The following FRMD4A variants were observed in gnomAD, a reference collection of about 807,000 sequenced individuals.
The protein encoded by FRMD4A is FERM domain containing 4A, also known as FERM domain-containing protein 4A.
A neutral mutation model predicts 129.1 loss-of-function variants in FRMD4A; 29 were observed. The ratio of observed to expected loss-of-function variants is 0.22; its 90% CI spans 0.17 to 0.31. The LOEUF is 0.31. Among genes scored for constraint, FRMD4A ranks in the 10% least tolerant of loss-of-function variants. FRMD4A has a pLI of 1.00. For missense variants in FRMD4A, 1,272 were observed against 1,375.8 expected (o/e 0.92, Z 1.19); for synonymous variants, 634 against 571.6 (o/e 1.11, Z -1.56).
intron 2 of FRMD4A, among the ~76,000 whole-genome samples, chr10:14,199,611 A>G (rs1842573914): frequency 6.6e-6 from 1 of 152,088 alleles, no homozygotes; most frequent in African/African-American, 2.4e-5. Flanking sequence ...GCTGGTCTCA[A>G]ACTCCCGACC....
At position 13,750,219 on chromosome 10, in the gene FRMD4A, G is replaced by A. The variant is rs182937295; in HGVS notation, c.465-2400C>T. On this transcript the variant is annotated intron_variant, in intron 8 of 24. Transcript: ENST00000357447. Reference sequence around the variant, plus strand: ...AATCCTGACCATGACCAACTAGAGGGAAAAGCTCAAAGTGTAACTGTTTGA... The same window carrying A: ...AATCCTGACCATGACCAACTAGAGGAAAAAGCTCAAAGTGTAACTGTTTGA... 5.0e-3 allele frequency among the ~76,000 whole-genome samples: 764 copies of A among 152,262 alleles called. 3 individuals carry two copies. Among genetic ancestry groups the A allele is most frequent in the Middle Eastern group, 0.014 (4 of 294 alleles).
intron 24 of FRMD4A, 79 bp from the exon 25 acceptor site, chr10:13,647,114 G>T (rs1035368585): frequency 1.0e-5 from 2 of 198,396 alleles, no homozygotes; most frequent in Non-Finnish European, 1.8e-5. Context: ...CACTGAGAAG[G>T]ATATGTTCAC....
chr10:13,734,835 T>C (rs1004612407), intron 12 of FRMD4A, among the ~76,000 whole-genome samples: 1 of 142,522 alleles, frequency 7.0e-6, no homozygotes, highest in Non-Finnish European at 1.5e-5. Context: ...TTTCTTCTTC[T>C]TTTTCTATTT....
In FRMD4A at chr10:13,660,610, G is replaced by A. The variant is rs1022131233; in HGVS notation, c.1661-57C>T. The A allele has an allele frequency of 7.2e-5, 80 of 1,105,786 alleles. No homozygotes were observed. The African/African-American group carries it at 1.1e-3, about 15-fold the overall frequency. 68.5% of individuals were successfully genotyped at this position (1,105,786 alleles called of 1,614,324 possible). A position where few individuals can be genotyped will look rare whatever the true frequency, so the allele number is the denominator to read the frequency against. ...CCCGGTCATCCTTCCCACAGGCTGA[G>A]ACAGAACCCCTACACCCCTCCACCC... On this transcript the variant is annotated intron_variant, in intron 19 of 24. Coordinates refer to ENST00000357447, the MANE Select transcript of FRMD4A (RefSeq NM_018027.5).
intron 2 of FRMD4A, among the ~76,000 whole-genome samples, chr10:14,100,875 G>A (rs745527887): frequency 4.9e-4 from 75 of 152,146 alleles, no homozygotes; most frequent in Non-Finnish European, 8.2e-4. Context: ...TGAACTAGAA[G>A]TTTTGAGTGT....
intron 2 of FRMD4A, among the ~76,000 whole-genome samples, chr10:14,028,278 A>T (rs1339804867): frequency 2.6e-5 from 4 of 152,216 alleles, no homozygotes; most frequent in Non-Finnish European, 4.4e-5. Flanking sequence ...GCCTACAAAG[A>T]TGATTAAGAT....
intron 2 of FRMD4A, among the ~76,000 whole-genome samples, chr10:13,867,875 T>C (rs2094393920): frequency 7.1e-6 from 1 of 140,516 alleles, no homozygotes; most frequent in Non-Finnish European, 1.5e-5. Flanking sequence ...TAATATATAA[T>C]AAATAATATA....
intron 3 of FRMD4A, among the ~76,000 whole-genome samples, chr10:13,857,771 T>C (rs1490452518): frequency 3.9e-5 from 6 of 152,032 alleles, no homozygotes; most frequent in Admixed American, 2.0e-4. Context: ...GACTTGGAGA[T>C]AGACATCTAA....
chr10:14,167,731 A>G (rs1185420122), intron 2 of FRMD4A, among the ~76,000 whole-genome samples: 1 of 152,004 alleles, frequency 6.6e-6, no homozygotes, highest in Admixed American at 6.6e-5. Flanking sequence ...GATTTCCCAG[A>G]GGATGTGGCA....
At chr10:13,652,223 C>A in intron 23 of FRMD4A, 1 of 551,484 alleles carries the variant, frequency 1.8e-6, no homozygotes, top group Non-Finnish European at 3.2e-6. Flanking sequence ...CACATCATAG[C>A]AAACAGTTTA....
Position 13,881,615 on chromosome 10 carries a change from C to T in FRMD4A, c.46-22703G>A, listed in dbSNP as rs73580751. 2.1e-3 allele frequency among the ~76,000 whole-genome samples: 314 copies of T among 152,194 alleles called. 2 individuals are homozygous for T. The highest frequency in any genetic ancestry group is 7.3e-3 in the African/African-American group (303 of 41,544). On this transcript the variant is annotated intron_variant, in intron 2 of 24. Transcript: ENST00000357447. ...CAAGTCAAAAAAGGAGAAATCACAACGTGACAATGAGTTCCTCAGTTACAT... is the reference window on the plus strand; with the variant it reads ...CAAGTCAAAAAAGGAGAAATCACAATGTGACAATGAGTTCCTCAGTTACAT...
intron 2 of FRMD4A, among the ~76,000 whole-genome samples, chr10:14,108,272 A>G (rs1200612639): frequency 6.6e-6 from 1 of 152,184 alleles, no homozygotes; most frequent in Non-Finnish European, 1.5e-5. Context: ...TAAGCTATGC[A>G]TCATCACTTA....
At chr10:13,962,062 TG>T (rs2095449121) in intron 2 of FRMD4A, among the ~76,000 whole-genome samples, 1 of 152,180 alleles carries the variant, frequency 6.6e-6, no homozygotes, top group Non-Finnish European at 1.5e-5. Flanking sequence ...AATGAATGAA[TG>T]AATGAATGAA....
intron 2 of FRMD4A, among the ~76,000 whole-genome samples, chr10:14,213,564 G>T (rs574981169): frequency 6.6e-6 from 1 of 152,326 alleles, no homozygotes; most frequent in Admixed American, 6.5e-5. Context: ...TCATCCCTCA[G>T]GTTGCCCTGG....
intron 2 of FRMD4A, among the ~76,000 whole-genome samples, chr10:13,909,083 C>A (rs1216974271): frequency 6.6e-6 from 1 of 152,200 alleles, no homozygotes; most frequent in African/African-American, 2.4e-5. Flanking sequence ...ATCAGTTTTC[C>A]TGCAATGTAT....
chr10:13,805,673 A>G (rs765577514), intron 4 of FRMD4A, among the ~76,000 whole-genome samples: 2 of 151,990 alleles, frequency 1.3e-5, no homozygotes, highest in Non-Finnish European at 2.9e-5. Flanking sequence ...CCTGGCTCAC[A>G]AGCTACTTCT....
chr10:13,698,413 G>A (rs1458391361), intron 14 of FRMD4A, among the ~76,000 whole-genome samples: 1 of 152,158 alleles, frequency 6.6e-6, no homozygotes, highest in African/African-American at 2.4e-5. Flanking sequence ...TCCCAGCCCT[G>A]TCGGCCATCA....
At chr10:14,081,824 C>T (rs80141285) in intron 2 of FRMD4A, among the ~76,000 whole-genome samples, 1 of 152,162 alleles carries the variant, frequency 6.6e-6, no homozygotes, top group Non-Finnish European at 1.5e-5. Context: ...ATTCAGACAT[C>T]CAATGCAGGT....
At chr10:13,787,929 T>G (rs2092908830) in intron 5 of FRMD4A, among the ~76,000 whole-genome samples, 1 of 151,222 alleles carries the variant, frequency 6.6e-6, no homozygotes, top group Non-Finnish European at 1.5e-5. Flanking sequence ...GCCTCAGCAG[T>G]AGGTGGCAAT....
Sources: allele counts gnomAD v4.1 joint callset (sites outside exome capture counted in the v4.1 genomes callset), GRCh38; gene constraint gnomAD v4.1.1; transcripts MANE v1.5; gene names NCBI Gene and HGNC (gene_info 2026-07-23, HGNC 2026-07-21).